NRXN3: variants seen among roughly 807,000 people sequenced by gnomAD.
NRXN3 encodes the protein neurexin 3.
In NRXN3, 32 loss-of-function variants were observed where a neutral mutation model predicts 137.6. The observed-to-expected ratio is 0.23, with a 90% CI of 0.18 to 0.31. The LOEUF (loss-of-function observed/expected upper bound fraction) is 0.31, where lower values mean the gene tolerates loss of function less well. Among genes scored for constraint, NRXN3 ranks in the 10% least tolerant of loss-of-function variants. NRXN3 has a pLI of 1.00. For synonymous variants in NRXN3, 798 were observed against 784.5 expected, an observed-to-expected ratio of 1.02 and a Z score of -0.29; for missense variants, 1,574 against 2,062.5, an observed-to-expected ratio of 0.76 and a Z score of 4.59.
chr14:79,309,944 C>G (rs1463093971), intron 15 of NRXN3, among the ~76,000 whole-genome samples: 1 of 114,280 alleles, frequency 8.8e-6, no homozygotes, highest in South Asian at 3.7e-4. Context: ...TAATTAGATC[C>G]CATTTGTCAA....
At chr14:78,477,533 C>A (rs1196758749) in intron 4 of NRXN3, among the ~76,000 whole-genome samples, 1 of 152,154 alleles carries the variant, frequency 6.6e-6, no homozygotes, top group Non-Finnish European at 1.5e-5. Context: ...TCTCAAAATA[C>A]AATATTGTTT....
chr14:79,012,538 TA>T (rs1389430897), intron 15 of NRXN3, among the ~76,000 whole-genome samples: 1 of 152,034 alleles, frequency 6.6e-6, no homozygotes, highest in East Asian at 1.9e-4. Flanking sequence ...GGACTTTGAG[TA>T]CTAAATTGAG....
intron 15 of NRXN3, among the ~76,000 whole-genome samples, chr14:79,285,184 A>ACG (rs2082039777): frequency 6.6e-6 from 1 of 152,144 alleles, no homozygotes; most frequent in Non-Finnish European, 1.5e-5. Flanking sequence ...AAAAAACAAG[A>ACG]CGCACACACA....
rs374677948 is a variant in NRXN3 at position 78,971,275 on chromosome 14, A to G, written c.3142+2929A>G. Among the ~76,000 whole-genome samples, 14 of 152,236 alleles carry G rather than the reference A, an allele frequency of 9.2e-5. No homozygotes were observed. The East Asian group carries it at 2.5e-3, about 27-fold the overall frequency. ...CCTTTGAGCATTAGGTAGTATGAGGACCACAGGAAACAGAACAAATTTCTT... is the reference window on the plus strand; with the variant it reads ...CCTTTGAGCATTAGGTAGTATGAGGGCCACAGGAAACAGAACAAATTTCTT... On this transcript the variant is annotated intron_variant, in intron 14 of 20. Coordinates refer to ENST00000335750, the MANE Select transcript of NRXN3 (RefSeq NM_001330195.2).
chr14:79,482,672 C>T lies in NRXN3; in HGVS notation c.3444+15270C>T, dbSNP rs185393303. 4.0e-4 allele frequency among the ~76,000 whole-genome samples: 61 copies of T among 152,162 alleles called. No individual in the cohort carries two copies. The East Asian group carries it at 6.4e-3, about 16-fold the overall frequency. On this transcript the variant is annotated intron_variant, in intron 16 of 20. Coordinates refer to ENST00000335750, the MANE Select transcript of NRXN3 (RefSeq NM_001330195.2). ...AATTGCTAAAAACACCTAAACACCA[C>T]TAACCTGGGGGGGAGAAAAAAAAAC...
chr14:78,295,933 G>A (rs1354997559), intron 3 of NRXN3, among the ~76,000 whole-genome samples: 49 of 152,056 alleles, frequency 3.2e-4, no homozygotes, highest in Admixed American at 6.5e-5. Flanking sequence ...ACTTCTTCCT[G>A]CAGCTGCCAA....
At chr14:78,229,736 TG>T (rs1240008808) in intron 1 of NRXN3, among the ~76,000 whole-genome samples, 1 of 152,200 alleles carries the variant, frequency 6.6e-6, no homozygotes, top group East Asian at 1.9e-4. Flanking sequence ...TGCCCTGGCC[TG>T]GGAGGGTCTG....
chr14:79,127,344 A>T (rs1323536571), intron 15 of NRXN3, among the ~76,000 whole-genome samples: 2 of 151,872 alleles, frequency 1.3e-5, no homozygotes, highest in Non-Finnish European at 2.9e-5. Flanking sequence ...TCTTGAATTG[A>T]TTTTTGTATA....
chr14:78,390,990 T>G (rs2090682846), intron 4 of NRXN3, among the ~76,000 whole-genome samples: 1 of 152,186 alleles, frequency 6.6e-6, no homozygotes, highest in African/African-American at 2.4e-5. Context: ...TGTCCATGTG[T>G]TCTCATTCTT....
At chr14:79,694,383 T>G (rs549580931) in intron 18 of NRXN3, among the ~76,000 whole-genome samples, 1 of 152,074 alleles carries the variant, frequency 6.6e-6, no homozygotes, top group South Asian at 2.1e-4. Flanking sequence ...AGGTAATAAT[T>G]AATGACTTCC....
intron 1 of NRXN3, among the ~76,000 whole-genome samples, chr14:78,230,967 A>G (rs1164929119): frequency 1.3e-5 from 2 of 152,200 alleles, no homozygotes; most frequent in Admixed American, 1.3e-4. Context: ...ACCTGTTGGG[A>G]GAACCGTATA....
chr14:78,614,862 T>C (rs1354064424), intron 4 of NRXN3: 1 of 443,172 alleles, frequency 2.3e-6, no homozygotes, highest in African/African-American at 2.0e-5. Context: ...TAGGGCACTA[T>C]AGTGGTAATA....
intron 16 of NRXN3, among the ~76,000 whole-genome samples, chr14:79,658,313 C>A (rs971799497): frequency 6.6e-6 from 1 of 152,132 alleles, no homozygotes; most frequent in African/African-American, 2.4e-5. Flanking sequence ...GTTTATGTTG[C>A]AGTGACAAAA....
chr14:79,162,707 T>C (rs1006739374), intron 15 of NRXN3, among the ~76,000 whole-genome samples: 1 of 151,958 alleles, frequency 6.6e-6, no homozygotes, highest in African/African-American at 2.4e-5. Context: ...CAACAGGTGC[T>C]GGAGAAGATG....
chr14:78,616,675 A>G (rs1180824487), intron 4 of NRXN3, among the ~76,000 whole-genome samples: 1 of 152,230 alleles, frequency 6.6e-6, no homozygotes, highest in Admixed American at 6.5e-5. Flanking sequence ...ATATGTGATA[A>G]ATAAAAAATG....
intron 4 of NRXN3, among the ~76,000 whole-genome samples, chr14:78,538,243 G>A (rs2096555337): frequency 6.6e-6 from 1 of 152,212 alleles, no homozygotes; most frequent in African/African-American, 2.4e-5. Flanking sequence ...TCCTATCCAT[G>A]AGCATGGAAT....
At chr14:79,459,066 A>G (rs2096292651) in intron 15 of NRXN3, among the ~76,000 whole-genome samples, 1 of 152,098 alleles carries the variant, frequency 6.6e-6, no homozygotes, top group African/African-American at 2.4e-5. Flanking sequence ...AATATTAGAG[A>G]TACAGTTTGA....
chr14:78,566,646 A>G (rs1212306033), intron 4 of NRXN3, among the ~76,000 whole-genome samples: 5 of 151,984 alleles, frequency 3.3e-5, no homozygotes, highest in African/African-American at 1.2e-4. Context: ...CCGAGCCCCC[A>G]CCTTCCTTCC....
chr14:79,813,415 A>G (rs1275970075), intron 20 of NRXN3, among the ~76,000 whole-genome samples: 1 of 152,084 alleles, frequency 6.6e-6, no homozygotes, highest in Non-Finnish European at 1.5e-5. Context: ...GTGCCGCATG[A>G]ATTTTTGGTG....
Sources: gnomAD v4.1 joint callset for allele counts (sites outside exome capture counted in the v4.1 genomes callset) on GRCh38, gnomAD v4.1.1 for gene constraint, MANE v1.5 for transcripts, NCBI Gene and HGNC (gene_info 2026-07-23, HGNC 2026-07-21) for gene names.